The following NUP214 variants were observed in gnomAD, a reference collection of about 807,000 sequenced individuals.
The protein encoded by NUP214 is nucleoporin 214, also known as nuclear pore complex protein Nup214.
A neutral mutation model predicts 196.2 loss-of-function variants in NUP214; 79 were observed. The ratio of observed to expected loss-of-function variants is 0.40; its 90% confidence interval spans 0.34 to 0.49. The LOEUF (loss-of-function observed/expected upper bound fraction) is 0.49. Among genes scored for constraint, NUP214 ranks in the 20% least tolerant of loss-of-function variants. The pLI, the probability that NUP214 is intolerant of heterozygous loss-of-function variation, is 0.58. For synonymous variants in NUP214, 1,020 were observed against 990.5 expected, an observed-to-expected ratio of 1.03 and a Z score of -0.56; for missense variants, 2,468 against 2,539.0, an observed-to-expected ratio of 0.97 and a Z score of 0.60.
Position 131,175,518 on chromosome 9 carries a change from G to A in NUP214, c.3216G>A (p.Thr1072=), listed in dbSNP as rs767997327. The change falls in exon 23 of 36, where the codon ACG becomes ACA. Residue 1072 remains threonine (T), a synonymous_variant. Coordinates refer to ENST00000359428, the MANE Select transcript of NUP214 (RefSeq NM_005085.4). The part of the protein sequence containing the change: ...PQGADSTMLA[T]KTVKHGAPSP... ...GGGCCGATAGCACAATGCTTGCCAC[G>A]AAAACCGTGAAACATGGTGCACCTA... is the stretch of plus-strand genomic sequence containing the variant. 38 of 1,614,028 alleles carry A rather than the reference G, an allele frequency of 2.4e-5. No individual in the cohort carries two copies. Among genetic ancestry groups the A allele is most frequent in the Middle Eastern group, 1.6e-4 (1 of 6,084 alleles).
At position 131,125,920 on chromosome 9, in the gene NUP214, A is replaced by G. The variant is rs1350363914; in HGVS notation, c.45+171A>G. Reference sequence around the variant, plus strand: ...CGCCGCTGGCGTGATAGCCCCACCGAATGCAGTTTCCCAGTCCCATCCTGG... The same window carrying G: ...CGCCGCTGGCGTGATAGCCCCACCGGATGCAGTTTCCCAGTCCCATCCTGG... On this transcript the variant is annotated intron_variant, in intron 1 of 35. Coordinates refer to ENST00000359428, the MANE Select transcript of NUP214 (RefSeq NM_005085.4). This position sits in a 1 kb window ranked among gnomAD's most constrained non-coding sequence, Gnocchi z 4.1. 4 of 770,016 alleles carry G rather than the reference A, an allele frequency of 5.2e-6. No homozygotes were observed. Among genetic ancestry groups the G allele is most frequent in the African/African-American group, 1.8e-5 (1 of 56,158 alleles). The allele number at this position is 770,016 out of a possible 1,614,324, so 47.7% of individuals were successfully genotyped here.
At chr9:131,140,210 T>C (rs1177225594) in intron 10 of NUP214, among the ~76,000 whole-genome samples, 1 of 152,206 alleles carries the variant, frequency 6.6e-6, no homozygotes, top group African/African-American at 2.4e-5. Flanking sequence ...TATTCTTCTC[T>C]TGGTCAGGGG....
chr9:131,226,850 A>T lies in NUP214; in HGVS notation c.5903-1310A>T, dbSNP rs80000895. On this transcript the variant is annotated intron_variant, in intron 32 of 35. Transcript: ENST00000359428. ...ATTCAGCTGACAACTTTTCATACCC[A>T]GGATTTGATCTTTCCTGATTCAGAT... is the stretch of plus-strand genomic sequence containing the variant. Among the ~76,000 whole-genome samples, 156 of 152,322 alleles carry T rather than the reference A, an allele frequency of 1.0e-3. 3 individuals carry two copies. In the East Asian group the frequency reaches 0.029, roughly 28 times the overall value.
intron 27 of NUP214, chr9:131,194,260 C>T (rs539358347): frequency 2.0e-5 from 3 of 151,522 alleles, no homozygotes; most frequent in Non-Finnish European, 4.4e-5. Context: ...CCTCCACCCC[C>T]AGGACTGAAG....
chr9:131,212,614 C>G (rs1252623324), intron 30 of NUP214, among the ~76,000 whole-genome samples: 1 of 152,210 alleles, frequency 6.6e-6, no homozygotes, highest in African/African-American at 2.4e-5. Context: ...CCTCAGCCCT[C>G]TGTTACTTCC....
rs1355301345 is a variant in NUP214 at position 131,140,859 on chromosome 9, A to C, written c.1294+149A>C. On this transcript the variant is annotated intron_variant, in intron 11 of 35. Transcript: ENST00000359428. ...AAGGCACACACTAATCTTTTTTTTAAACATGCATGTACATATTTGCCTTCC... is the reference window on the plus strand; with the variant it reads ...AAGGCACACACTAATCTTTTTTTTACACATGCATGTACATATTTGCCTTCC... 4 of 691,470 alleles carry C rather than the reference A, an allele frequency of 5.8e-6. No individual in the cohort carries two copies. The Admixed American group carries it at 1.4e-4, about 24-fold the overall frequency. 42.8% of individuals were successfully genotyped at this position (691,470 alleles called of 1,614,324 possible).
At chr9:131,202,020 G>C (rs1480376271) in intron 30 of NUP214, among the ~76,000 whole-genome samples, 1 of 151,936 alleles carries the variant, frequency 6.6e-6, no homozygotes, top group African/African-American at 2.4e-5. Context: ...CTGTAGTACA[G>C]TGGCACAATC....
Position 131,173,078 on chromosome 9 carries a change from A to G in NUP214, c.2894-977A>G, listed in dbSNP as rs566185195. 1.9e-3 allele frequency among the ~76,000 whole-genome samples: 294 copies of G among 152,266 alleles called. 3 individuals are homozygous for G. The highest frequency in any genetic ancestry group is 6.8e-3 in the African/African-American group (281 of 41,576). ...TGGGTTTTTCTTGTTGTTATTTGAG[A>G]AGGAGTCTCACTCTGTTGCCCAGGC... On this transcript the variant is annotated intron_variant, in intron 21 of 35. Coordinates refer to ENST00000359428, the MANE Select transcript of NUP214 (RefSeq NM_005085.4).
At chr9:131,148,893 TTAAG>T (rs770235450) in intron 14 of NUP214, among the ~76,000 whole-genome samples, 118 of 152,328 alleles carry the variant, frequency 7.7e-4, no homozygotes, top group Admixed American at 2.5e-3. Flanking sequence ...TTTAATATAA[TTAAG>T]TATATCAGTT....
intron 30 of NUP214, among the ~76,000 whole-genome samples, chr9:131,205,115 C>T (rs941987159): frequency 2.0e-5 from 3 of 152,030 alleles, no homozygotes; most frequent in African/African-American, 7.2e-5. Context: ...AGCAAGACTC[C>T]ATCTCAAAAA....
At position 131,233,475 on chromosome 9, in the gene NUP214, C is replaced by G. The variant is rs1564225730; in HGVS notation, c.6261C>G (p.Gly2087=). ...GCAGGTCTGTCCAGGGTTTTGGTGG[C>G]TGGCGAAGCTGAGGGCGTGTCAGCA... The part of the protein sequence containing the change: ...SNNSSVQGFG[G]WRS The change falls in exon 36 of 36, where the codon GGC becomes GGG. Residue 2087 remains glycine, a synonymous_variant. Coordinates refer to ENST00000359428, the MANE Select transcript of NUP214 (RefSeq NM_005085.4). 1 of 1,613,476 alleles carries G rather than the reference C, an allele frequency of 6.2e-7. No individual in the cohort carries two copies. The highest frequency in any genetic ancestry group is 1.7e-5 in the Admixed American group (1 of 59,958).
intron 24 of NUP214, among the ~76,000 whole-genome samples, chr9:131,185,369 T>C (rs536125469): frequency 6.6e-6 from 1 of 152,374 alleles, no homozygotes; most frequent in South Asian, 2.1e-4. Context: ...TGTCGCTCAT[T>C]TCTGAAGCAG....
chr9:131,205,009 T>G (rs1235203009), intron 30 of NUP214, among the ~76,000 whole-genome samples: 1 of 152,066 alleles, frequency 6.6e-6, no homozygotes. Context: ...CAAAAAAATA[T>G]CTATAAAGAA....
intron 2 of NUP214, 97 bp from the exon 3 acceptor site, chr9:131,128,235 G>A (rs1831423092): frequency 1.8e-6 from 2 of 1,107,502 alleles, no homozygotes; most frequent in Admixed American, 2.5e-5. Flanking sequence ...GTGTGTTTAT[G>A]TAGATGCAAA....
intron 22 of NUP214, 78 bp from the exon 23 acceptor site, chr9:131,175,382 T>C: frequency 6.6e-7 from 1 of 1,522,742 alleles, no homozygotes; most frequent in East Asian, 2.3e-5. Context: ...CAGTCGAACA[T>C]AAAGAATTTA....
Position 131,125,788 on chromosome 9 carries a change from C to T in NUP214, c.45+39C>T, listed in dbSNP as rs780741797. The T allele has an allele frequency of 7.7e-6, 12 of 1,548,628 alleles. No homozygotes were observed. Among genetic ancestry groups the T allele is most frequent in the Non-Finnish European group, 1.0e-5 (12 of 1,145,058 alleles). On this transcript the variant is annotated intron_variant, in intron 1 of 35. Coordinates refer to ENST00000359428, the MANE Select transcript of NUP214 (RefSeq NM_005085.4). The surrounding 1 kb of genome is among the most constrained non-coding windows in gnomAD (Gnocchi z 4.1). ...CGGGGCCTCCCTCCCTTCTTTAGTC[C>T]TGGCGTTGCCTTGGAGCCCAGCTGA...
chr9:131,199,194 G>C (rs935937063), intron 29 of NUP214, among the ~76,000 whole-genome samples, 179 bp downstream of exon 29: 1 of 152,170 alleles, frequency 6.6e-6, no homozygotes. Flanking sequence ...TAATTGGCTG[G>C]ATCTGTTACA....
At chr9:131,175,874 T>G in intron 23 of NUP214, 1 of 442,408 alleles carries the variant, frequency 2.3e-6, no homozygotes, top group Non-Finnish European at 3.8e-6. Context: ...GGGTTTGTTT[T>G]TTTTTTTAAA....
Position 131,144,270 on chromosome 9 carries a change from G to T in NUP214, c.1295-10G>T, listed in dbSNP as rs1365482565. On this transcript the variant is annotated splice_polypyrimidine_tract_variant and intron_variant, in intron 11 of 35. Coordinates refer to ENST00000359428, the MANE Select transcript of NUP214 (RefSeq NM_005085.4). ...TGTTAACATTTTCCTTCCTTTTTTTGTCACTGCAGGAAGTACTCCCACTAC... is the reference window on the plus strand; with the variant it reads ...TGTTAACATTTTCCTTCCTTTTTTTTTCACTGCAGGAAGTACTCCCACTAC... 42 of 1,580,568 alleles carry T rather than the reference G, an allele frequency of 2.7e-5. No homozygotes were observed. Among genetic ancestry groups the T allele is most frequent in the Admixed American group, 2.6e-4 (14 of 54,414 alleles).
Sources: allele counts gnomAD v4.1 joint callset (sites outside exome capture counted in the v4.1 genomes callset), GRCh38; gene constraint gnomAD v4.1.1; non-coding constraint Gnocchi (gnomAD v3.1); transcripts MANE v1.5; gene names NCBI Gene and HGNC (gene_info 2026-07-23, HGNC 2026-07-21).